PTPRD: variants seen among roughly 807,000 people sequenced by gnomAD.
PTPRD encodes the protein protein tyrosine phosphatase receptor type D.
Under a neutral mutation model 214.5 loss-of-function variants are expected in PTPRD, and 34 were observed. That is an observed-to-expected ratio of 0.16 (90% CI 0.12 to 0.21). The LOEUF (loss-of-function observed/expected upper bound fraction) is 0.21, where lower values mean the gene tolerates loss of function less well. PTPRD is among the 10% of genes least tolerant of loss of function. The pLI, the probability that PTPRD is intolerant of heterozygous loss-of-function variation, is 1.00. For missense variants in PTPRD, 2,545 were observed against 2,398.7 expected (o/e 1.06, Z -1.27); for synonymous variants, 1,128 against 845.7 (o/e 1.33, Z -5.79).
chr9:8,811,024 T>A (rs1396810147), intron 11 of PTPRD, among the ~76,000 whole-genome samples: 1 of 152,212 alleles, frequency 6.6e-6, no homozygotes, highest in Non-Finnish European at 1.5e-5. Flanking sequence ...AGGAAACAAC[T>A]GTGCCCAGGC....
chr9:9,600,751 C>T (rs2093686416), intron 7 of PTPRD, among the ~76,000 whole-genome samples: 1 of 152,070 alleles, frequency 6.6e-6, no homozygotes, highest in African/African-American at 2.4e-5. Context: ...GTCCATCCTT[C>T]CGATTTTATT....
chr9:10,583,172 T>G (rs1029146226), intron 2 of PTPRD, among the ~76,000 whole-genome samples: 1 of 152,170 alleles, frequency 6.6e-6, no homozygotes, highest in Non-Finnish European at 1.5e-5. Context: ...AGTATCCCAA[T>G]GCAGAAGTTT....
intron 2 of PTPRD, among the ~76,000 whole-genome samples, chr9:10,342,300 T>C (rs1360326827): frequency 6.6e-6 from 1 of 152,096 alleles, no homozygotes; most frequent in Non-Finnish European, 1.5e-5. Flanking sequence ...AGTAAGCATT[T>C]TTAATCAAAT....
intron 2 of PTPRD, among the ~76,000 whole-genome samples, chr9:10,366,217 G>A (rs1648651052): frequency 1.3e-5 from 2 of 152,154 alleles, no homozygotes; most frequent in South Asian, 4.1e-4. Flanking sequence ...AAATACAGGT[G>A]GTTCCTGCTT....
At chr9:9,954,014 A>C (rs2093679210) in intron 4 of PTPRD, among the ~76,000 whole-genome samples, 1 of 152,028 alleles carries the variant, frequency 6.6e-6, no homozygotes, top group African/African-American at 2.4e-5. Flanking sequence ...TTGAAAGAGC[A>C]GGCTGGTTGC....
At chr9:10,044,758 T>C (rs552161660) in intron 3 of PTPRD, among the ~76,000 whole-genome samples, 17 of 151,758 alleles carry the variant, frequency 1.1e-4, no homozygotes, top group Admixed American at 5.9e-4. Context: ...AAAATTGTTA[T>C]TATTATAATC....
chr9:9,629,124 A>C (rs2095509892), intron 7 of PTPRD, among the ~76,000 whole-genome samples: 1 of 151,744 alleles, frequency 6.6e-6, no homozygotes, highest in South Asian at 2.1e-4. Flanking sequence ...CAGTGAGCCA[A>C]GATCACGCCA....
chr9:10,121,515 C>T (rs2098775230), intron 3 of PTPRD, among the ~76,000 whole-genome samples: 1 of 151,984 alleles, frequency 6.6e-6, no homozygotes, highest in East Asian at 1.9e-4. Context: ...AATATAACGT[C>T]AACAAAAAAG....
At chr9:8,555,586 C>G (rs1424939751) in intron 14 of PTPRD, among the ~76,000 whole-genome samples, 2 of 152,196 alleles carry the variant, frequency 1.3e-5, no homozygotes, top group Non-Finnish European at 2.9e-5. Flanking sequence ...TAAATGGCAG[C>G]AGTATCATCA....
chr9:10,384,477 A>T lies in PTPRD; in HGVS notation c.-599-43460T>A, dbSNP rs563604624. On this transcript the variant is annotated intron_variant, in intron 2 of 45. Coordinates refer to ENST00000381196, the MANE Select transcript of PTPRD (RefSeq NM_002839.4). Reference sequence around the variant, plus strand: ...ATCAATAATACATATATTGAGCAAAATAAGTTATTTCAAAAATATATTGAA... The same window carrying T: ...ATCAATAATACATATATTGAGCAAATTAAGTTATTTCAAAAATATATTGAA... 2.0e-5 allele frequency among the ~76,000 whole-genome samples: 3 copies of T among 151,930 alleles called. No homozygotes were observed. The South Asian group carries it at 6.2e-4, about 31-fold the overall frequency.
At chr9:10,438,267 A>G (rs2098735588) in intron 2 of PTPRD, among the ~76,000 whole-genome samples, 1 of 151,480 alleles carries the variant, frequency 6.6e-6, no homozygotes, top group East Asian at 1.9e-4. Context: ...AGGTAACCTC[A>G]TCGTGTGTCA....
intron 7 of PTPRD, among the ~76,000 whole-genome samples, chr9:9,623,111 G>A (rs992952248): frequency 6.6e-6 from 1 of 152,122 alleles, no homozygotes; most frequent in African/African-American, 2.4e-5. Context: ...TTTATTACTT[G>A]CATATATGTT....
intron 2 of PTPRD, among the ~76,000 whole-genome samples, chr9:10,559,691 T>C (rs938058504): frequency 6.6e-6 from 1 of 151,938 alleles, no homozygotes; most frequent in Non-Finnish European, 1.5e-5. Flanking sequence ...GAATCTACAA[T>C]GAACTCAAAC....
At chr9:10,218,940 T>C (rs1164980525) in intron 3 of PTPRD, among the ~76,000 whole-genome samples, 1 of 151,850 alleles carries the variant, frequency 6.6e-6, no homozygotes, top group Non-Finnish European at 1.5e-5. Flanking sequence ...TATTTAACTA[T>C]ATACAGAGAG....
intron 37 of PTPRD, among the ~76,000 whole-genome samples, chr9:8,382,784 T>C (rs1050020997): frequency 2.0e-5 from 3 of 152,200 alleles, no homozygotes; most frequent in African/African-American, 4.8e-5. Flanking sequence ...CCAAAGGCAA[T>C]GTTTGTGCTG....
rs1392070274 is a variant in PTPRD, at chr9:8,484,605, G to GATATATATATATATATAT, written c.3154-228_3154-227insATATATATATATATATAT. Among the ~76,000 whole-genome samples, 19 of 121,524 alleles carry GATATATATATATATATAT rather than the reference G, an allele frequency of 1.6e-4. 1 individual carries two copies. The highest frequency in any genetic ancestry group is 6.1e-4 in the African/African-American group (17 of 27,794). 79.7% of individuals were successfully genotyped at this position (121,524 alleles called of 152,430 possible). ...TCCAAGTCTATCAAAAATACACAAA[G>GATATATATATATATATAT]ATAGATATATACATATATATATATA... On this transcript the variant is annotated intron_variant, in intron 29 of 45. Transcript: ENST00000381196.
chr9:8,890,971 G>T (rs1363846763), intron 11 of PTPRD, among the ~76,000 whole-genome samples: 1 of 152,070 alleles, frequency 6.6e-6, no homozygotes, highest in African/African-American at 2.4e-5. Context: ...TACTGATGAG[G>T]TAAGCTTTAT....
chr9:9,118,708 A>C (rs1398217239), intron 10 of PTPRD, among the ~76,000 whole-genome samples: 1 of 152,220 alleles, frequency 6.6e-6, no homozygotes, highest in East Asian at 1.9e-4. Flanking sequence ...TAGACAGCTG[A>C]TAATTGAACA....
intron 39 of PTPRD, among the ~76,000 whole-genome samples, chr9:8,351,595 A>G (rs2075463779): frequency 6.6e-6 from 1 of 151,978 alleles, no homozygotes; most frequent in Non-Finnish European, 1.5e-5. Flanking sequence ...TTGCTCAGTG[A>G]TGGACTGTCA....
Sources: gnomAD v4.1 joint callset for allele counts (sites outside exome capture counted in the v4.1 genomes callset) on GRCh38, gnomAD v4.1.1 for gene constraint, MANE v1.5 for transcripts, NCBI Gene and HGNC (gene_info 2026-07-23, HGNC 2026-07-21) for gene names.